Variants in AOAH observed in about 807,000 individuals in gnomAD.
AOAH encodes the protein acyloxyacyl hydrolase.
AOAH carries 64 observed loss-of-function variants against 92.2 expected under a neutral mutation model. That is an observed-to-expected ratio of 0.69 (90% confidence interval 0.57 to 0.86). The LOEUF (loss-of-function observed/expected upper bound fraction) is 0.86, where lower values mean the gene tolerates loss of function less well. Among genes scored for constraint, AOAH ranks in the 40% least tolerant of loss-of-function variants. The pLI, the probability that AOAH is intolerant of heterozygous loss-of-function variation, is 0.00. For missense variants in AOAH, 656 were observed against 694.6 expected (o/e 0.94, Z 0.62); for synonymous variants, 263 against 254.5 (o/e 1.03, Z -0.32).
At chr7:36,574,853 T>A (rs1788374766) in intron 13 of AOAH, among the ~76,000 whole-genome samples, 2 of 152,150 alleles carry the variant, frequency 1.3e-5, no homozygotes, top group Non-Finnish European at 2.9e-5. Flanking sequence ...ACGTATACCT[T>A]TTTTTTCCCT....
At chr7:36,700,591 A>T (rs540121847) in intron 1 of AOAH, among the ~76,000 whole-genome samples, 28 of 152,240 alleles carry the variant, frequency 1.8e-4, no homozygotes, top group African/African-American at 6.7e-4. Flanking sequence ...ATTGATGGAC[A>T]CTTAATTAAT....
At position 36,633,588 on chromosome 7, in the gene AOAH, G is replaced by A. The variant is rs374285349; in HGVS notation, c.451-1482C>T. On this transcript the variant is annotated intron_variant, in intron 5 of 20. Transcript: ENST00000617537. ...GGAATGCCAAACATTCCCACCTGGA[G>A]GGAGAATCGGAATGGCAGAATGCAG... Among the ~76,000 whole-genome samples the A allele has an allele frequency of 3.0e-4, 46 of 152,304 alleles. No individual in the cohort carries two copies. In the South Asian group the frequency reaches 8.7e-3, roughly 29 times the overall value.
chr7:36,641,386 A>G (rs547264796), intron 4 of AOAH, among the ~76,000 whole-genome samples: 158 of 152,086 alleles, frequency 1.0e-3, no homozygotes, highest in South Asian at 4.8e-3. Context: ...TGTTCCCCCA[A>G]TGACTCTCAG....
At chr7:36,541,900 T>G (rs972164414) in intron 15 of AOAH, among the ~76,000 whole-genome samples, 2 of 152,238 alleles carry the variant, frequency 1.3e-5, no homozygotes, top group African/African-American at 4.8e-5. Flanking sequence ...AGAGTTTTCA[T>G]CTACTCTTTA....
chr7:36,678,055 T>G (rs1309636821), intron 2 of AOAH, among the ~76,000 whole-genome samples: 1 of 152,234 alleles, frequency 6.6e-6, no homozygotes, highest in African/African-American at 2.4e-5. Context: ...ACTCTATGAC[T>G]GTACTGAAAG....
chr7:36,593,920 T>C (rs1365983245), intron 12 of AOAH, among the ~76,000 whole-genome samples: 2 of 152,322 alleles, frequency 1.3e-5, no homozygotes, highest in East Asian at 3.9e-4. Context: ...TCATTCAAAC[T>C]CACCAGGCCT....
chr7:36,643,477 C>G (rs1794033612), intron 4 of AOAH, among the ~76,000 whole-genome samples: 1 of 152,086 alleles, frequency 6.6e-6, no homozygotes. Context: ...CTCTAGGTGT[C>G]AAAAAGCCAC....
At chr7:36,539,019 G>A (rs1169329400) in intron 16 of AOAH, among the ~76,000 whole-genome samples, 1 of 152,202 alleles carries the variant, frequency 6.6e-6, no homozygotes. Flanking sequence ...GGGAGAGGCG[G>A]AATTTCCTGA....
At chr7:36,568,137 GAGGCAAGTTATGGGA>G (rs1562577130) in intron 13 of AOAH, among the ~76,000 whole-genome samples, 1 of 152,216 alleles carries the variant, frequency 6.6e-6, no homozygotes, top group Non-Finnish European at 1.5e-5. Context: ...CTGAGTGGGG[GAGGCAAGTTATGGGA>G]AGGTAAGGAG....
chr7:36,712,087 G>A lies in AOAH; in HGVS notation c.127+11935C>T, dbSNP rs191322563. Among the ~76,000 whole-genome samples, 466 of 152,326 alleles carry A rather than the reference G, an allele frequency of 3.1e-3. 3 individuals are homozygous for A. Among genetic ancestry groups the A allele is most frequent in the African/African-American group, 0.01 (434 of 41,574 alleles). ...GCGTTTAGTTATAGAGAAATAGAAAGAGTGAAATTTCTGTGTGTCTAAGTC... is the reference window on the plus strand; with the variant it reads ...GCGTTTAGTTATAGAGAAATAGAAAAAGTGAAATTTCTGTGTGTCTAAGTC... On this transcript the variant is annotated intron_variant, in intron 1 of 20. Transcript: ENST00000617537.
At position 36,724,011 on chromosome 7, in the gene AOAH, T is replaced by C. The variant is rs1799815113; in HGVS notation, c.127+11A>G. On this transcript the variant is annotated intron_variant, in intron 1 of 20. Coordinates refer to ENST00000617537, the MANE Select transcript of AOAH (RefSeq NM_001637.4). ...TCTACATAGAAAATACAAAAATATT[T>C]ATTTGCATACCTACACAGGTGTGCC... The C allele has an allele frequency of 6.2e-7, 1 of 1,611,072 alleles. No homozygotes were observed. The highest frequency in any genetic ancestry group is 8.5e-7 in the Non-Finnish European group (1 of 1,178,600).
rs1791705034 is a variant in AOAH, at chr7:36,614,403, C to A, written c.846+1977G>T. Reference sequence around the variant, plus strand: ...AGGGCCCTGCACTGGGTTTAATGCTCTGCTGCCCCACCTTGAACTTCTTAA... The same window carrying A: ...AGGGCCCTGCACTGGGTTTAATGCTATGCTGCCCCACCTTGAACTTCTTAA... On this transcript the variant is annotated intron_variant, in intron 11 of 20. Coordinates refer to ENST00000617537, the MANE Select transcript of AOAH (RefSeq NM_001637.4). This position sits in a 1 kb window ranked among gnomAD's most constrained non-coding sequence, Gnocchi z 4.2. 6.6e-6 allele frequency among the ~76,000 whole-genome samples: 1 copy of A among 152,116 alleles called. No individual in the cohort carries two copies.
rs771485493 is a variant in AOAH, at chr7:36,532,303, A to C, written c.1348T>G (p.Phe450Val). 6 of 1,614,074 alleles carry C rather than the reference A, an allele frequency of 3.7e-6. No homozygotes were observed. The Admixed American group carries it at 8.3e-5, about 22-fold the overall frequency. ...KDMTYAQLYS[F>V]LNCLQVSPCH... Reference sequence around the variant, plus strand: ...GTGCTCACCTGGAGGCAGTTCAGGAAGGAGTACAACTGCGCATAGGTCATG... The same window carrying C: ...GTGCTCACCTGGAGGCAGTTCAGGACGGAGTACAACTGCGCATAGGTCATG... Residue 450 changes from phenylalanine to valine, a missense_variant, in exon 17 of 21, where the codon TTC (phenylalanine) becomes GTC (valine). Physicochemically the swap from Phe to Val is conservative, Grantham distance 50. Coordinates refer to ENST00000617537, the MANE Select transcript of AOAH (RefSeq NM_001637.4).
chr7:36,682,553 T>C (rs1239659803), intron 2 of AOAH, among the ~76,000 whole-genome samples: 1 of 152,068 alleles, frequency 6.6e-6, no homozygotes, highest in East Asian at 1.9e-4. Context: ...AAACATAAGA[T>C]ATTATTTCTA....
chr7:36,642,723 G>C (rs1793990740), intron 4 of AOAH, among the ~76,000 whole-genome samples: 1 of 152,182 alleles, frequency 6.6e-6, no homozygotes, highest in African/African-American at 2.4e-5. Context: ...AGCCACATGG[G>C]AGCCCAAGGA....
intron 2 of AOAH, among the ~76,000 whole-genome samples, chr7:36,679,150 G>A (rs898325950): frequency 3.9e-5 from 6 of 152,106 alleles, no homozygotes; most frequent in African/African-American, 1.4e-4. Context: ...ATTCCAATTT[G>A]TAAGTTACCT....
rs780630442 is a variant in AOAH at position 36,594,386 on chromosome 7, G to A, written c.891C>T (p.Asp297=). Residue 297 remains aspartate (D), a synonymous_variant, in exon 12 of 21, where the codon GAC becomes GAT. Transcript: ENST00000617537. ...NLPTALTNEL[D]WPQLSGATGF... is the part of the protein sequence containing the mutation. ...CTGTAGCACCAGAGAGTTGGGGCCA[G>A]TCAAGCTCGTTGGTAAGGGCTGTTG... 2 of 1,614,116 alleles carry A rather than the reference G, an allele frequency of 1.2e-6. No homozygotes were observed. Among genetic ancestry groups the A allele is most frequent in the South Asian group, 2.2e-5 (2 of 91,084 alleles).
At chr7:36,608,711 G>C (rs1791177848) in intron 11 of AOAH, among the ~76,000 whole-genome samples, 1 of 152,160 alleles carries the variant, frequency 6.6e-6, no homozygotes, top group South Asian at 2.1e-4. Context: ...ACTGGGCACT[G>C]TCATGACTGT....
intron 4 of AOAH, among the ~76,000 whole-genome samples, chr7:36,638,510 G>GAGTT (rs148396389): frequency 0.032 from 4,805 of 152,144 alleles, 246 homozygotes; most frequent in African/African-American, 0.11. Flanking sequence ...CGAATATAAA[G>GAGTT]AGTTAGCTCA....
Sources: allele counts gnomAD v4.1 joint callset (sites outside exome capture counted in the v4.1 genomes callset), GRCh38; gene constraint gnomAD v4.1.1; non-coding constraint Gnocchi (gnomAD v3.1); transcripts MANE v1.5; gene names NCBI Gene and HGNC (gene_info 2026-07-23, HGNC 2026-07-21).